The following LARS2 variants were observed in gnomAD, a reference collection of about 807,000 sequenced individuals.
LARS2 encodes leucine--tRNA ligase, mitochondrial.
Under a neutral mutation model 116.6 loss-of-function variants are expected in LARS2, and 81 were observed. The observed-to-expected ratio is 0.69, with a 90% CI of 0.58 to 0.84. LARS2 has a LOEUF of 0.84. Among genes scored for constraint, LARS2 ranks in the 40% least tolerant of loss-of-function variants. The pLI is 0.00. For missense variants in LARS2, 968 were observed against 1,114.5 expected (o/e 0.87, Z 1.87); for synonymous variants, 396 against 407.2 (o/e 0.97, Z 0.33).
intron 2 of LARS2, among the ~76,000 whole-genome samples, chr3:45,391,949 C>A (rs1322573880): frequency 6.6e-6 from 1 of 152,124 alleles, no homozygotes; most frequent in Non-Finnish European, 1.5e-5. Flanking sequence ...GAGGATAGCC[C>A]AGAACACTCC....
chr3:45,395,548 T>C (rs985579138), intron 3 of LARS2, among the ~76,000 whole-genome samples: 1 of 152,222 alleles, frequency 6.6e-6, no homozygotes, highest in Non-Finnish European at 1.5e-5. Context: ...GATTGGAGTT[T>C]TAAATTCTGA....
In LARS2 at chr3:45,537,987, C is replaced by T. The variant is rs193055245; in HGVS notation, c.2405-3842C>T. On this transcript the variant is annotated intron_variant, in intron 20 of 21. Transcript: ENST00000645846. ...GTGCCAGGGCCTTGCCACTTCCCAGCCTGTGTTTAGACTGTGTGTCCTGAA... is the reference window on the plus strand; with the variant it reads ...GTGCCAGGGCCTTGCCACTTCCCAGTCTGTGTTTAGACTGTGTGTCCTGAA... 4.1e-4 allele frequency among the ~76,000 whole-genome samples: 62 copies of T among 152,364 alleles called. 1 individual carries two copies. In the East Asian group the frequency reaches 0.011, roughly 26 times the overall value.
chr3:45,490,563 A>G (rs1037537694), intron 12 of LARS2, among the ~76,000 whole-genome samples: 2 of 152,258 alleles, frequency 1.3e-5, no homozygotes, highest in African/African-American at 2.4e-5. Flanking sequence ...CACGACTGTG[A>G]TAATGGGAGT....
rs756029569 is a variant in LARS2 at position 45,541,976 on chromosome 3, C to T, written c.2532+20C>T. 8.1e-6 allele frequency: 13 copies of T among 1,613,398 alleles called. No individual in the cohort carries two copies. In the South Asian group the frequency reaches 1.3e-4, roughly 16 times the overall value. On this transcript the variant is annotated intron_variant, in intron 21 of 21. Transcript: ENST00000645846. ...GTTCTGGTAAGTATCTCCCCTCAAC[C>T]CCAGAACCCAGCAGTCCCTGCCCTG...
intron 20 of LARS2, among the ~76,000 whole-genome samples, chr3:45,532,967 A>G (rs1298977348): frequency 2.6e-5 from 4 of 151,906 alleles, no homozygotes; most frequent in Non-Finnish European, 5.9e-5. Flanking sequence ...GTTACAGCAG[A>G]CTTCAGGACA....
intron 6 of LARS2, among the ~76,000 whole-genome samples, chr3:45,437,837 C>T (rs1160576175): frequency 7.6e-6 from 1 of 131,622 alleles, no homozygotes; most frequent in Admixed American, 8.4e-5. Flanking sequence ...TGGAATACAT[C>T]GGTGGGGAGA....
chr3:45,479,595 A>G (rs1699664605), intron 10 of LARS2, among the ~76,000 whole-genome samples: 2 of 152,204 alleles, frequency 1.3e-5, no homozygotes, highest in Admixed American at 1.3e-4. Context: ...TTCCTTTAAG[A>G]GAGGAAAAAA....
At chr3:45,447,173 C>T (rs1699036051) in intron 7 of LARS2, among the ~76,000 whole-genome samples, 193 bp downstream of exon 7, 1 of 152,082 alleles carries the variant, frequency 6.6e-6, no homozygotes, top group Admixed American at 6.6e-5. Flanking sequence ...GAATTCTTAC[C>T]CCATAACCTA....
chr3:45,444,842 A>G (rs913634178), intron 6 of LARS2, among the ~76,000 whole-genome samples: 1 of 151,120 alleles, frequency 6.6e-6, no homozygotes, highest in African/African-American at 2.4e-5. Context: ...TATGTGTTAT[A>G]TATTTACTAA....
intron 10 of LARS2, among the ~76,000 whole-genome samples, chr3:45,477,104 G>T (rs1575278956): frequency 6.6e-6 from 1 of 152,178 alleles, no homozygotes; most frequent in Non-Finnish European, 1.5e-5. Context: ...GCAGTGTCCT[G>T]CTCCATACAG....
intron 4 of LARS2, among the ~76,000 whole-genome samples, chr3:45,415,395 A>G (rs1483659450): frequency 6.6e-6 from 1 of 152,132 alleles, no homozygotes; most frequent in Non-Finnish European, 1.5e-5. Flanking sequence ...TATTCTCAGC[A>G]CTTTTCTTAA....
At chr3:45,483,647 T>C (rs893727610) in intron 10 of LARS2, among the ~76,000 whole-genome samples, 1 of 151,604 alleles carries the variant, frequency 6.6e-6, no homozygotes, top group Non-Finnish European at 1.5e-5. Context: ...GGACCCTGTC[T>C]CAAAAAAAAA....
intron 20 of LARS2, among the ~76,000 whole-genome samples, chr3:45,530,334 A>G (rs1700596683): frequency 6.6e-6 from 1 of 152,218 alleles, no homozygotes; most frequent in South Asian, 2.1e-4. Context: ...ATCTTGGCCA[A>G]CATGGTGAAA....
At chr3:45,524,158 C>G in intron 20 of LARS2, 50 bp downstream of exon 20, 1 of 1,234,800 alleles carries the variant, frequency 8.1e-7, no homozygotes, top group Non-Finnish European at 1.2e-6. Context: ...TAGAATTTGT[C>G]GAAGCCTCTT....
intron 11 of LARS2, among the ~76,000 whole-genome samples, chr3:45,488,340 T>C (rs1699851122): frequency 6.6e-6 from 1 of 152,056 alleles, no homozygotes; most frequent in African/African-American, 2.4e-5. Flanking sequence ...GGCTGAGATA[T>C]GAGAATCACT....
At chr3:45,441,350 G>A (rs1194521362) in intron 6 of LARS2, among the ~76,000 whole-genome samples, 1 of 152,110 alleles carries the variant, frequency 6.6e-6, no homozygotes, top group Non-Finnish European at 1.5e-5. Context: ...AAAGCCAAGG[G>A]GTGTACTTGT....
intron 5 of LARS2, among the ~76,000 whole-genome samples, chr3:45,419,048 G>A (rs1406962322): frequency 6.6e-6 from 1 of 152,094 alleles, no homozygotes; most frequent in Non-Finnish European, 1.5e-5. Flanking sequence ...CATATTTTTA[G>A]TCTGCTAGAA....
intron 7 of LARS2, among the ~76,000 whole-genome samples, chr3:45,454,349 T>C (rs756015548): frequency 6.6e-5 from 10 of 152,224 alleles, no homozygotes; most frequent in Non-Finnish European, 8.8e-5. Context: ...ATGAGGTGCA[T>C]TTTTAAAATG....
intron 7 of LARS2, among the ~76,000 whole-genome samples, chr3:45,454,343 G>A (rs1699180900): frequency 1.3e-5 from 2 of 152,108 alleles, no homozygotes; most frequent in East Asian, 3.8e-4. Context: ...TGTGTTATGA[G>A]GTGCATTTTT....
Sources: allele counts gnomAD v4.1 joint callset (sites outside exome capture counted in the v4.1 genomes callset), GRCh38; gene constraint gnomAD v4.1.1; transcripts MANE v1.5; gene names NCBI Gene and HGNC (gene_info 2026-07-23, HGNC 2026-07-21).